Variants in SHISA9 observed in about 807,000 individuals in gnomAD.
SHISA9 encodes shisa family member 9.
SHISA9 carries 13 observed loss-of-function variants against 38.0 expected under a neutral mutation model. The ratio of observed to expected loss-of-function variants is 0.34; its 90% CI spans 0.22 to 0.54. SHISA9 has a LOEUF of 0.54. Among genes scored for constraint, SHISA9 ranks in the 20% least tolerant of loss-of-function variants. The probability of loss-of-function intolerance (pLI) is 0.91; values close to 1 mark genes in which losing one functional copy is unlikely to be tolerated. For synonymous variants in SHISA9, 275 were observed against 242.0 expected (o/e 1.14, Z -1.27); for missense variants, 538 against 575.8 (o/e 0.93, Z 0.67).
the SHISA9 span, chr16:13,350,717 C>A: frequency 5.9e-5 from 9 of 152,148 alleles, no homozygotes; most frequent in Non-Finnish European, 4.4e-5. Context: ...TCCAAGATGA[C>A]CCTAAGCTGC....
chr16:13,008,304 T>C (rs1314565912), intron 2 of SHISA9, among the ~76,000 whole-genome samples: 1 of 152,120 alleles, frequency 6.6e-6, no homozygotes, highest in Non-Finnish European at 1.5e-5. Context: ...TTCCCCGACA[T>C]CACATCCCCA....
At chr16:13,483,235 A>G in the SHISA9 span, among the ~76,000 whole-genome samples, 1 of 152,096 alleles carries the variant, frequency 6.6e-6, no homozygotes. Flanking sequence ...ATAAATATGT[A>G]TGTTGGGCAC....
chr16:13,448,612 C>G, the SHISA9 span, among the ~76,000 whole-genome samples: 1 of 152,260 alleles, frequency 6.6e-6, no homozygotes, highest in South Asian at 2.1e-4. Flanking sequence ...TATGTCCTCC[C>G]TACTCATTTC....
At chr16:12,927,495 T>G (rs1371427087) in intron 2 of SHISA9, among the ~76,000 whole-genome samples, 3 of 152,024 alleles carry the variant, frequency 2.0e-5, no homozygotes, top group African/African-American at 7.2e-5. Context: ...CCCTCCTGGG[T>G]TCACGTGATC....
intron 2 of SHISA9, among the ~76,000 whole-genome samples, chr16:12,995,307 C>A (rs565290612): frequency 9.1e-4 from 138 of 152,316 alleles, no homozygotes; most frequent in African/African-American, 3.2e-3. Flanking sequence ...ACTGAGCTGT[C>A]AAACAGCAGG....
At chr16:13,131,568 A>T (rs925181511) in intron 2 of SHISA9, among the ~76,000 whole-genome samples, 1 of 152,098 alleles carries the variant, frequency 6.6e-6, no homozygotes, top group African/African-American at 2.4e-5. Flanking sequence ...ACCATGACAC[A>T]TGTTTACCTA....
the SHISA9 span, among the ~76,000 whole-genome samples, chr16:13,382,869 A>G: frequency 6.6e-6 from 1 of 152,200 alleles, no homozygotes; most frequent in African/African-American, 2.4e-5. Context: ...AAACAAACAA[A>G]CAAACAAAGT....
At position 13,113,313 on chromosome 16, in the gene SHISA9, A is replaced by G. The variant is rs536659423; in HGVS notation, c.692-90081A>G. Among the ~76,000 whole-genome samples the G allele has an allele frequency of 6.0e-4, 92 of 152,084 alleles. 3 individuals carry two copies. The highest frequency in any genetic ancestry group is 4.6e-3 in the East Asian group (24 of 5,178). On this transcript the variant is annotated intron_variant, in intron 2 of 4. Transcript: ENST00000558583. ...CATTTGTTGCAGTGATGATGGTGGTAATGGCTCCCTCAAGGGGCCAGTCAC... is the reference window on the plus strand; with the variant it reads ...CATTTGTTGCAGTGATGATGGTGGTGATGGCTCCCTCAAGGGGCCAGTCAC...
intron 2 of SHISA9, among the ~76,000 whole-genome samples, chr16:13,127,874 A>T (rs908210101): frequency 6.6e-6 from 1 of 152,192 alleles, no homozygotes; most frequent in African/African-American, 2.4e-5. Flanking sequence ...AGAAGCTCAC[A>T]GGGAGAGGCC....
chr16:13,468,767 AG>A, the SHISA9 span, among the ~76,000 whole-genome samples: 3 of 152,162 alleles, frequency 2.0e-5, no homozygotes, highest in Non-Finnish European at 2.9e-5. Context: ...GCTTGAGATC[AG>A]GAGTTTGAGA....
At chr16:13,438,482 C>A in the SHISA9 span, among the ~76,000 whole-genome samples, 1 of 152,032 alleles carries the variant, frequency 6.6e-6, no homozygotes, top group Non-Finnish European at 1.5e-5. Context: ...CTTAAATAAT[C>A]ATTTTATTTT....
chr16:13,144,118 C>G (rs563942911), intron 2 of SHISA9, among the ~76,000 whole-genome samples: 3 of 146,806 alleles, frequency 2.0e-5, no homozygotes, highest in South Asian at 4.2e-4. Context: ...GTGTAATATC[C>G]TAGTATGGGA....
intron 2 of SHISA9, among the ~76,000 whole-genome samples, chr16:13,180,543 A>G (rs551785234): frequency 6.6e-6 from 1 of 152,166 alleles, no homozygotes; most frequent in South Asian, 2.1e-4. Flanking sequence ...ATAAAAAATT[A>G]AAAAATTAGC....
At position 13,178,867 on chromosome 16, in the gene SHISA9, GT is replaced by G. The variant is rs535328443; in HGVS notation, c.692-24520del. ...TTTGTTGTTGTTGTTGTTGTTGTTT[GT>G]TTTTTTCTGCCCTATTTAGTAATAA... On this transcript the variant is annotated intron_variant, in intron 2 of 4. Transcript: ENST00000558583. Among the ~76,000 whole-genome samples the G allele has an allele frequency of 6.2e-4, 94 of 151,466 alleles. No homozygotes were observed. The Middle Eastern group carries it at 0.01, about 17-fold the overall frequency.
chr16:13,253,209 G>A, the SHISA9 span, among the ~76,000 whole-genome samples: 1 of 152,142 alleles, frequency 6.6e-6, no homozygotes, highest in African/African-American at 2.4e-5. Flanking sequence ...GTCAATAATA[G>A]GCTACTACTA....
the SHISA9 span, among the ~76,000 whole-genome samples, chr16:13,480,090 G>C: frequency 4.7e-3 from 720 of 152,266 alleles, 8 homozygotes; most frequent in African/African-American, 0.016. Context: ...TAGACCCCTA[G>C]GCCTACCTCT....
At chr16:13,315,436 G>A in the SHISA9 span, among the ~76,000 whole-genome samples, 4 of 152,252 alleles carry the variant, frequency 2.6e-5, no homozygotes, top group African/African-American at 9.6e-5. Context: ...TAGCACAGAG[G>A]TTTATGCCCC....
intron 2 of SHISA9, among the ~76,000 whole-genome samples, chr16:13,019,897 T>C (rs1293222472): frequency 6.2e-5 from 2 of 32,130 alleles, no homozygotes; most frequent in African/African-American, 1.8e-4. Context: ...CTTTCTTTCT[T>C]TCTTTCTTTC....
chr16:13,126,058 A>G (rs950586953), intron 2 of SHISA9, among the ~76,000 whole-genome samples: 2 of 152,208 alleles, frequency 1.3e-5, no homozygotes, highest in Non-Finnish European at 2.9e-5. Flanking sequence ...GGTGAAATCC[A>G]ACTCATTGAC....
Sources: gnomAD v4.1 joint callset for allele counts (sites outside exome capture counted in the v4.1 genomes callset) on GRCh38, gnomAD v4.1.1 for gene constraint, MANE v1.5 for transcripts, NCBI Gene and HGNC (gene_info 2026-07-23, HGNC 2026-07-21) for gene names.